The following WDFY4 variants were observed in gnomAD, a reference collection of about 807,000 sequenced individuals.
The protein encoded by WDFY4 is WDFY family member 4, also known as WD repeat- and FYVE domain-containing protein 4.
A neutral mutation model predicts 351.9 loss-of-function variants in WDFY4; 169 were observed. The observed-to-expected ratio is 0.48, with a 90% CI of 0.42 to 0.55. WDFY4 has a LOEUF of 0.55. Ranked by LOEUF, WDFY4 falls within the 20% of genes least tolerant of loss-of-function variation. The probability of loss-of-function intolerance (pLI) is 0.00; values close to 1 mark genes in which losing one functional copy is unlikely to be tolerated. For synonymous variants in WDFY4, 1,622 were observed against 1,574.6 expected, an observed-to-expected ratio of 1.03 and a Z score of -0.71; for missense variants, 3,803 against 3,935.6, an observed-to-expected ratio of 0.97 and a Z score of 0.90.
intron 45 of WDFY4, among the ~76,000 whole-genome samples, 194 bp downstream of exon 45, chr10:48,897,768 C>G (rs1837158965): frequency 6.6e-6 from 1 of 152,264 alleles, no homozygotes; most frequent in Non-Finnish European, 1.5e-5. Flanking sequence ...GTTCTGACTT[C>G]TGCTCCACTC....
intron 57 of WDFY4, 99 bp downstream of exon 57, chr10:48,970,388 C>A: frequency 6.9e-7 from 1 of 1,453,454 alleles, no homozygotes; most frequent in South Asian, 1.4e-5. Context: ...AGGTGTGGTG[C>A]CGGAACACAC....
intron 37 of WDFY4, among the ~76,000 whole-genome samples, chr10:48,829,676 C>T (rs1434499851): frequency 6.6e-6 from 1 of 152,120 alleles, no homozygotes; most frequent in East Asian, 1.9e-4. Context: ...ATGCTGAAAG[C>T]CTGTCACTAC....
At chr10:48,959,161 A>C (rs1841742180) in intron 52 of WDFY4, among the ~76,000 whole-genome samples, 1 of 152,098 alleles carries the variant, frequency 6.6e-6, no homozygotes, top group Non-Finnish European at 1.5e-5. Flanking sequence ...GAGGAGGGAG[A>C]CTTGGGTTGA....
chr10:48,697,452 T>C (rs1231772264), intron 1 of WDFY4, among the ~76,000 whole-genome samples: 3 of 152,172 alleles, frequency 2.0e-5, no homozygotes, highest in African/African-American at 4.8e-5. Flanking sequence ...TAAGTCACAA[T>C]GTTGGGGAAC....
intron 23 of WDFY4, among the ~76,000 whole-genome samples, chr10:48,792,284 C>G (rs1193145490): frequency 6.6e-6 from 1 of 152,250 alleles, no homozygotes; most frequent in East Asian, 1.9e-4. Flanking sequence ...CCCAGCTGAG[C>G]ATGTGGCTGT....
chr10:48,839,550 C>A (rs1490963754), intron 39 of WDFY4, among the ~76,000 whole-genome samples: 1 of 152,014 alleles, frequency 6.6e-6, no homozygotes, highest in Non-Finnish European at 1.5e-5. Context: ...GAGGTGAGAT[C>A]TTGTGATAGG....
intron 24 of WDFY4, among the ~76,000 whole-genome samples, chr10:48,800,895 G>C (rs1477758816): frequency 6.6e-6 from 1 of 151,724 alleles, no homozygotes; most frequent in Non-Finnish European, 1.5e-5. Context: ...ACCACATAAG[G>C]CTCATTTTTT....
intron 39 of WDFY4, among the ~76,000 whole-genome samples, chr10:48,835,435 G>C (rs969790014): frequency 6.6e-6 from 1 of 152,208 alleles, no homozygotes; most frequent in African/African-American, 2.4e-5. Context: ...ATGGCACTGA[G>C]GTGCATGTGT....
rs757728366 is a variant in WDFY4 at position 48,943,381 on chromosome 10, G to T, written c.7681G>T (p.Gly2561Trp). Residue 2561 changes from glycine to tryptophan, a missense_variant, in exon 49 of 62, where the codon GGG becomes TGG. Gly to Trp is a radical substitution (Grantham distance 184, BLOSUM62 -2). This residue lies in a region of WDFY4 where 3,054 missense variants were observed against 3,148.6 expected (regional missense o/e 0.97). Transcript: ENST00000325239. ...TCTCATGTACCTCAACACCGCGGCTGGGAGAACCTGCAATGACTACATGCA... is the reference window on the plus strand; with the variant it reads ...TCTCATGTACCTCAACACCGCGGCTTGGAGAACCTGCAATGACTACATGCA... The part of the protein sequence containing the change: ...EYLMYLNTAA[G>W]RTCNDYMQYP... 19 of 1,551,824 alleles carry T rather than the reference G, an allele frequency of 1.2e-5. No homozygotes were observed. Among genetic ancestry groups the T allele is most frequent in the Non-Finnish European group, 1.5e-5 (17 of 1,146,996 alleles).
At chr10:48,948,220 C>T (rs1841150034) in intron 51 of WDFY4, among the ~76,000 whole-genome samples, 1 of 152,164 alleles carries the variant, frequency 6.6e-6, no homozygotes, top group Non-Finnish European at 1.5e-5. Context: ...TTGTATAACC[C>T]CCTCTCCCTG....
intron 4 of WDFY4, among the ~76,000 whole-genome samples, chr10:48,721,805 G>C (rs1289636566): frequency 5.3e-5 from 8 of 152,118 alleles, no homozygotes; most frequent in Non-Finnish European, 1.2e-4. Context: ...GAGAACGCAG[G>C]CTTACCTACG....
chr10:48,786,302 A>G (rs2066403292), intron 19 of WDFY4, among the ~76,000 whole-genome samples: 1 of 152,198 alleles, frequency 6.6e-6, no homozygotes, highest in Admixed American at 6.5e-5. Flanking sequence ...CTCTGTATGT[A>G]TGTAATTATT....
chr10:48,755,600 G>C (rs971414334), intron 12 of WDFY4, among the ~76,000 whole-genome samples: 3 of 152,174 alleles, frequency 2.0e-5, no homozygotes, highest in African/African-American at 7.2e-5. Context: ...TTCTTCCAAT[G>C]CCATTAGTTG....
At chr10:48,839,128 G>C (rs527385115) in intron 39 of WDFY4, among the ~76,000 whole-genome samples, 1 of 152,302 alleles carries the variant, frequency 6.6e-6, no homozygotes, top group South Asian at 2.1e-4. Context: ...GGGATAAAAA[G>C]CTCACGAGCC....
At chr10:48,824,276 T>C in intron 35 of WDFY4, 1 of 772,050 alleles carries the variant, frequency 1.3e-6, no homozygotes, top group Non-Finnish European at 1.6e-6. Flanking sequence ...TACAGTGGGG[T>C]AACTTAGCGT....
At position 48,734,003 on chromosome 10, in the gene WDFY4, T is replaced by C. The variant is rs376807701; in HGVS notation, c.1655T>C (p.Val552Ala). The C allele has an allele frequency of 6.9e-5, 107 of 1,552,028 alleles. 1 individual carries two copies. Among genetic ancestry groups the C allele is most frequent in the Admixed American group, 2.4e-4 (12 of 51,014 alleles). ...ELTCVMLRIV[V>A]TLLKGSVRNA... Reference sequence around the variant, plus strand: ...ACCTGTGTGATGCTGAGGATTGTAGTCACACTTCTGAAAGGCTCGGTGAGG... The same window carrying C: ...ACCTGTGTGATGCTGAGGATTGTAGCCACACTTCTGAAAGGCTCGGTGAGG... The change falls in exon 10 of 62, where the codon GTC becomes GCC. Residue 552 changes from valine (V) to alanine (A), a missense_variant. Transcript: ENST00000325239.
chr10:48,885,412 CT>C (rs759638894), intron 43 of WDFY4, among the ~76,000 whole-genome samples: 2 of 152,230 alleles, frequency 1.3e-5, no homozygotes, highest in African/African-American at 2.4e-5. Context: ...GAGCATTGTG[CT>C]TTGAACAGTC....
In WDFY4 at chr10:48,890,741, T is replaced by C. The variant is rs1391390289; in HGVS notation, c.7316+14T>C. On this transcript the variant is annotated intron_variant, in intron 44 of 61. Coordinates refer to ENST00000325239, the MANE Select transcript of WDFY4 (RefSeq NM_001394531.1). ...CTGCTTATCCAAGTGAGTTATCCAC[T>C]TCTCCCAGCAGATTCTTCCCTGAGC... 10 of 1,551,366 alleles carry C rather than the reference T, an allele frequency of 6.4e-6. No homozygotes were observed. Among genetic ancestry groups the C allele is most frequent in the Non-Finnish European group, 8.7e-6 (10 of 1,146,804 alleles).
intron 44 of WDFY4, among the ~76,000 whole-genome samples, chr10:48,895,791 T>C (rs991281261): frequency 6.6e-6 from 1 of 152,196 alleles, no homozygotes; most frequent in Non-Finnish European, 1.5e-5. Context: ...GGGGTCACTC[T>C]GAGATCTTTC....
Sources: allele counts gnomAD v4.1 joint callset (sites outside exome capture counted in the v4.1 genomes callset), GRCh38; gene constraint gnomAD v4.1.1; regional missense constraint gnomAD v4.1.1; transcripts MANE v1.5; gene names NCBI Gene and HGNC (gene_info 2026-07-23, HGNC 2026-07-21).